BLTP2: variants seen among roughly 807,000 people sequenced by gnomAD.
The protein encoded by BLTP2 is U937-associated antigen.
chr17:28,643,765 C>G, the BLTP2 span: 2 of 1,140,554 alleles, frequency 1.8e-6, no homozygotes, highest in African/African-American at 3.1e-5. Context: ...TCTTTCATAG[C>G]CATGTTGCCT....
At chr17:28,620,070 T>A in the BLTP2 span, 1 of 1,504,494 alleles carries the variant, frequency 6.6e-7, no homozygotes. Context: ...AGTCTTGTAG[T>A]AAAGTGAAAT....
At chr17:28,617,198 G>A in the BLTP2 span, 1 of 1,560,004 alleles carries the variant, frequency 6.4e-7, no homozygotes, top group East Asian at 2.2e-5. Flanking sequence ...CTAAAAACAT[G>A]CAAATGGACT....
the BLTP2 span, among the ~76,000 whole-genome samples, chr17:28,629,039 T>C: frequency 1.3e-5 from 2 of 152,030 alleles, no homozygotes; most frequent in South Asian, 2.1e-4. Flanking sequence ...CTATACCTAC[T>C]GTATTTTATT....
the BLTP2 span, chr17:28,624,078 T>C: frequency 2.2e-6 from 3 of 1,371,690 alleles, no homozygotes; most frequent in South Asian, 2.7e-5. Flanking sequence ...TAAATTTTAC[T>C]GGCTTTTAGA....
At chr17:28,635,298 T>C in the BLTP2 span, 46 of 1,614,030 alleles carry the variant, frequency 2.9e-5, no homozygotes, top group South Asian at 4.4e-4. Flanking sequence ...GCAGGGAACC[T>C]CCATGCCGGC....
chr17:28,620,690 T>C, the BLTP2 span: 2 of 1,585,250 alleles, frequency 1.3e-6, no homozygotes, highest in Middle Eastern at 1.7e-4. Flanking sequence ...ATCTACTCCA[T>C]CTCTTAACCC....
the BLTP2 span, chr17:28,634,576 C>A: frequency 6.2e-7 from 1 of 1,614,166 alleles, no homozygotes; most frequent in Non-Finnish European, 8.5e-7. Flanking sequence ...AAGATCTAAT[C>A]CCTCAGGGGG....
the BLTP2 span, chr17:28,635,926 G>A: frequency 2.3e-5 from 5 of 218,908 alleles, no homozygotes; most frequent in Admixed American, 5.2e-5. Context: ...TAGACAGCAG[G>A]TACTCAATAA....
the BLTP2 span, chr17:28,635,059 C>A: frequency 1.2e-6 from 2 of 1,613,422 alleles, no homozygotes; most frequent in African/African-American, 2.7e-5. Flanking sequence ...CTTCTGAACT[C>A]CCACAGCCTC....
the BLTP2 span, chr17:28,624,410 C>G: frequency 1.9e-6 from 3 of 1,605,234 alleles, no homozygotes; most frequent in African/African-American, 4.0e-5. Flanking sequence ...AAATAGGAAG[C>G]AGGGAAAGGT....
At chr17:28,627,712 T>C in the BLTP2 span, among the ~76,000 whole-genome samples, 3 of 152,104 alleles carry the variant, frequency 2.0e-5, no homozygotes, top group African/African-American at 7.2e-5. Context: ...TATTCTTTTT[T>C]TGAGATGGAG....
At chr17:28,624,911 CAGAGTGTATGGTTA>C in the BLTP2 span, among the ~76,000 whole-genome samples, 2 of 152,172 alleles carry the variant, frequency 1.3e-5, no homozygotes, top group Non-Finnish European at 2.9e-5. Flanking sequence ...GTTTGTCTAA[CAGAGTGTATGGTTA>C]AGAGCACAGT....
At chr17:28,620,757 G>A in the BLTP2 span, 3 of 1,085,612 alleles carry the variant, frequency 2.8e-6, no homozygotes, top group Non-Finnish European at 4.0e-6. Flanking sequence ...TTGCTCATGG[G>A]CAGAAACATG....
the BLTP2 span, chr17:28,620,476 G>C: frequency 5.0e-6 from 8 of 1,612,152 alleles, 1 homozygote; most frequent in Admixed American, 1.3e-4. Flanking sequence ...TTCCTGTGAG[G>C]CTAACCAGCA....
the BLTP2 span, chr17:28,635,638 C>A: frequency 6.3e-7 from 1 of 1,579,316 alleles, no homozygotes; most frequent in South Asian, 1.2e-5. Context: ...AAGGATCTGT[C>A]AATTACCATG....
the BLTP2 span, chr17:28,643,770 T>C: frequency 1.0e-5 from 11 of 1,074,246 alleles, no homozygotes; most frequent in Admixed American, 1.9e-5. Context: ...CATAGCCATG[T>C]TGCCTTGAAT....
chr17:28,615,651 C>T, the BLTP2 span: 1 of 1,613,312 alleles, frequency 6.2e-7, no homozygotes, highest in Non-Finnish European at 8.5e-7. Flanking sequence ...AGCCATGAGC[C>T]CTGGCGGGAT....
chr17:28,621,515 A>G, the BLTP2 span: 1 of 1,588,714 alleles, frequency 6.3e-7, no homozygotes, highest in Non-Finnish European at 8.6e-7. Context: ...AAAGAGATGC[A>G]GGCAACTTTA....
At chr17:28,634,487 G>A in the BLTP2 span, 2 of 1,589,054 alleles carry the variant, frequency 1.3e-6, no homozygotes, top group Non-Finnish European at 1.7e-6. Flanking sequence ...GGCAAACACG[G>A]GGTCTGCAAA....
Sources: allele counts gnomAD v4.1 joint callset (sites outside exome capture counted in the v4.1 genomes callset), GRCh38; gene constraint gnomAD v4.1.1; transcripts MANE v1.5; gene names NCBI Gene and HGNC (gene_info 2026-07-23, HGNC 2026-07-21).